Variants in NEB observed in about 807,000 individuals in gnomAD.
NEB encodes the protein nemaline myopathy type 2.
A neutral mutation model predicts 952.2 loss-of-function variants in NEB; 512 were observed. The ratio of observed to expected loss-of-function variants is 0.54; its 90% CI spans 0.50 to 0.58. NEB has a LOEUF of 0.58. NEB is among the 20% of genes least tolerant of loss of function. The pLI, the probability that NEB is intolerant of heterozygous loss-of-function variation, is 0.00. For synonymous variants in NEB, 2,900 were observed against 3,149.8 expected (o/e 0.92, Z 2.66); for missense variants, 8,428 against 9,231.1 (o/e 0.91, Z 3.56).
intron 169 of NEB, among the ~76,000 whole-genome samples, chr2:151,498,902 A>C (rs941880679): frequency 9.2e-5 from 14 of 152,156 alleles, no homozygotes; most frequent in Non-Finnish European, 2.1e-4. Flanking sequence ...AAAAAAAAGA[A>C]ACTTCAAAAT....
rs372664114 is a variant in NEB at position 151,679,730 on chromosome 2, C to T, written c.3246G>A (p.Ala1082=). 93 of 1,612,848 alleles carry T rather than the reference C, an allele frequency of 5.8e-5. No homozygotes were observed. The highest frequency in any genetic ancestry group is 7.5e-5 in the Non-Finnish European group (89 of 1,179,282). ...CCACAGCTGGACTTACGTCACTCGC[C>T]GCCTGCCTGGCAGCTTTGGCAGCTC... ...PIRAAKAARQ[A]ASDVQYKKDY... is the part of the protein sequence containing the mutation. Residue 1082 remains alanine, a synonymous_variant, in exon 32 of 182, where the codon GCG becomes GCA. Coordinates refer to ENST00000397345, the MANE Select transcript of NEB (RefSeq NM_001164508.2).
chr2:151,493,569 A>G (rs2058170075), intron 175 of NEB, 124 bp from the exon 176 acceptor site: 1 of 740,990 alleles, frequency 1.3e-6, no homozygotes, highest in African/African-American at 1.8e-5. Flanking sequence ...TAAAGCTATT[A>G]AAATGTTACG....
At chr2:151,635,648 G>A (rs2098744992) in intron 64 of NEB, among the ~76,000 whole-genome samples, 1 of 149,618 alleles carries the variant, frequency 6.7e-6, no homozygotes, top group Non-Finnish European at 1.5e-5. Flanking sequence ...AGAGGTTGCA[G>A]TGAGCTGAGA....
chr2:151,662,088 G>C (rs1433411120), intron 46 of NEB, 47 bp downstream of exon 46: 1 of 1,494,074 alleles, frequency 6.7e-7, no homozygotes, highest in Admixed American at 1.8e-5. Flanking sequence ...AATTATACCT[G>C]GATTCTCTCT....
rs201389582 is a variant in NEB, at chr2:151,666,091, T to C, written c.5030A>G (p.Asp1677Gly). 1.5e-5 allele frequency: 24 copies of C among 1,610,480 alleles called. No homozygotes were observed. Among genetic ancestry groups the C allele is most frequent in the Admixed American group, 3.3e-5 (2 of 59,962 alleles). The change falls in exon 41 of 182, where the codon GAT (aspartate) becomes GGT (glycine). Residue 1677 changes from aspartate to glycine, a missense_variant and splice_region_variant. By Grantham distance (94) the Asp-to-Gly change is moderately conservative. Transcript: ENST00000397345. ...HSRNAMQIQSDNLYKSDFTNW... is the reference protein window; with the variant it reads ...HSRNAMQIQSGNLYKSDFTNW... ...AACAACTTGGTAACCAGTACATACA[T>C]CACTCTGAATCTGCATGGCATTCCT...
Position 151,559,365 on chromosome 2 carries a change from T to C in NEB, c.19314+1227A>G, listed in dbSNP as rs558978223. On this transcript the variant is annotated intron_variant, in intron 124 of 181. Coordinates refer to ENST00000397345, the MANE Select transcript of NEB (RefSeq NM_001164508.2). ...GTGGGAGTGTAAACTAGTTCAACCATTGTGGAAGACAGTGTGGTGATTCCT... is the reference window on the plus strand; with the variant it reads ...GTGGGAGTGTAAACTAGTTCAACCACTGTGGAAGACAGTGTGGTGATTCCT... 2.1e-3 allele frequency among the ~76,000 whole-genome samples: 322 copies of C among 152,302 alleles called. 2 individuals are homozygous for C. Among genetic ancestry groups the C allele is most frequent in the Admixed American group, 4.0e-3 (61 of 15,306 alleles).
intron 163 of NEB, 179 bp from the exon 164 acceptor site, chr2:151,506,437 T>C (rs1422210066): frequency 5.2e-6 from 3 of 578,608 alleles, no homozygotes; most frequent in African/African-American, 1.9e-5. Flanking sequence ...AGACCAGTTA[T>C]ACAACATGGA....
chr2:151,489,945 A>G, intron 181 of NEB, 26 bp downstream of exon 181: 2 of 1,505,532 alleles, frequency 1.3e-6, no homozygotes, highest in Non-Finnish European at 1.8e-6. Flanking sequence ...AGAATAATTT[A>G]TTTAAGTGAG....
intron 73 of NEB, among the ~76,000 whole-genome samples, chr2:151,619,197 A>G (rs1348298125): frequency 6.6e-6 from 1 of 152,242 alleles, no homozygotes; most frequent in Non-Finnish European, 1.5e-5. Context: ...TGATTCAAAC[A>G]AAGGAAGCCT....
At position 151,489,707 on chromosome 2, in the gene NEB, A is replaced by G. The variant is rs1003768468; in HGVS notation, c.25404+264T>C. Among the ~76,000 whole-genome samples the G allele has an allele frequency of 1.4e-4, 21 of 152,046 alleles. 1 individual carries two copies. Among genetic ancestry groups the G allele is most frequent in the Admixed American group, 1.2e-3 (18 of 15,256 alleles). On this transcript the variant is annotated intron_variant, in intron 181 of 181. Coordinates refer to ENST00000397345, the MANE Select transcript of NEB (RefSeq NM_001164508.2). Reference sequence around the variant, plus strand: ...TCACTATGCCCAGCAAATGTTTAAGATAGTAGGTGAGACCAATGAGCCAAA... The same window carrying G: ...TCACTATGCCCAGCAAATGTTTAAGGTAGTAGGTGAGACCAATGAGCCAAA...
intron 166 of NEB, 82 bp downstream of exon 166, chr2:151,503,267 T>C (rs976447775): frequency 9.9e-7 from 1 of 1,012,620 alleles, no homozygotes; most frequent in African/African-American, 1.6e-5. Context: ...GCTGTTAAGA[T>C]GTTACTTTCT....
intron 62 of NEB, 21 bp downstream of exon 62, chr2:151,639,835 AT>A: frequency 3.1e-6 from 5 of 1,588,824 alleles, no homozygotes; most frequent in Non-Finnish European, 4.3e-6. Context: ...CCCCACTTCG[AT>A]TCTTAATTTT....
intron 52 of NEB, among the ~76,000 whole-genome samples, chr2:151,652,831 A>G (rs1325403837): frequency 6.6e-6 from 1 of 152,180 alleles, no homozygotes; most frequent in Non-Finnish European, 1.5e-5. Flanking sequence ...GGTACTATCA[A>G]ATGTTGTTAG....
Position 151,639,389 on chromosome 2 carries a change from C to A in NEB, c.8890-5G>T, listed in dbSNP as rs754118814. The A allele has an allele frequency of 2.2e-5, 33 of 1,496,682 alleles. No individual in the cohort carries two copies. The highest frequency in any genetic ancestry group is 6.5e-5 in the Admixed American group (3 of 46,080). The allele number at this position is 1,496,682 out of a possible 1,614,324, so 92.7% of individuals were successfully genotyped here. ...CCAGGCTTCTGTGTATAAACGCTAT[C>A]AAAAAAAATACACAAATTCATCAGG... On this transcript the variant is annotated splice_region_variant and splice_polypyrimidine_tract_variant and intron_variant, in intron 62 of 181. Transcript: ENST00000397345.
At position 151,547,722 on chromosome 2, in the gene NEB, A is replaced by G; in HGVS notation, c.20174T>C (p.Leu6725Ser). The G allele has an allele frequency of 6.2e-7, 1 of 1,613,136 alleles. No homozygotes were observed. The highest frequency in any genetic ancestry group is 1.7e-4 in the Middle Eastern group (1 of 6,054). ...GATCTTGTCTTTCAGTTTGTGGTAC[A>G]ATTCCCGATACAGTCTCTACGTTGG... Reference protein sequence around the residue: ...NVTSERLYRELYHKLKDKIHT... With the variant: ...NVTSERLYRESYHKLKDKIHT... The change falls in exon 132 of 182, where the codon TTG becomes TCG. Residue 6725 changes from leucine to serine, a missense_variant. Leu to Ser is a moderately radical substitution (Grantham distance 145, BLOSUM62 -2). Coordinates refer to ENST00000397345, the MANE Select transcript of NEB (RefSeq NM_001164508.2).
chr2:151,568,419 T>TAA lies in NEB; in HGVS notation c.17635-4_17635-3dup, dbSNP rs3214503. 18,867 of 1,455,644 alleles carry TAA rather than the reference T, an allele frequency of 0.013. 1 individual carries two copies. Among genetic ancestry groups the TAA allele is most frequent in the Non-Finnish European group, 0.014 (15,252 of 1,054,172 alleles). 90.2% of individuals were successfully genotyped at this position (1,455,644 alleles called of 1,614,324 possible). A position where few individuals can be genotyped will look rare whatever the true frequency, so the allele number is the denominator to read the frequency against. On this transcript the variant is annotated splice_region_variant and splice_polypyrimidine_tract_variant and intron_variant, in intron 111 of 181. Transcript: ENST00000397345. ...ATTCCAGTCTTTCCGGTATTTAATC[T>TAA]AAAAAAAAAAAAATGAGAGGCAAGG...
At chr2:151,711,601 T>C (rs943489380) in intron 10 of NEB, among the ~76,000 whole-genome samples, 1 of 152,194 alleles carries the variant, frequency 6.6e-6, no homozygotes, top group African/African-American at 2.4e-5. Flanking sequence ...CTATAAATTT[T>C]AGAGTCCTGG....
At chr2:151,547,817 T>C in intron 131 of NEB, 79 bp from the exon 132 acceptor site, 1 of 937,024 alleles carries the variant, frequency 1.1e-6, no homozygotes, top group Non-Finnish European at 1.6e-6. Flanking sequence ...GAATAAAATA[T>C]TTTACATAAG....
At chr2:151,610,201 G>T in intron 80 of NEB, 81 bp from the exon 81 acceptor site, 2 of 1,193,196 alleles carry the variant, frequency 1.7e-6, no homozygotes, top group South Asian at 1.6e-5. Context: ...AACATGAAAT[G>T]GACAAGATTT....
Sources: gnomAD v4.1 joint callset for allele counts (sites outside exome capture counted in the v4.1 genomes callset) on GRCh38, gnomAD v4.1.1 for gene constraint, MANE v1.5 for transcripts, NCBI Gene and HGNC (gene_info 2026-07-23, HGNC 2026-07-21) for gene names.